The following FSTL4 variants were observed in gnomAD, a reference collection of about 807,000 sequenced individuals.
The protein encoded by FSTL4 is follistatin like 4, also known as follistatin-related protein 4.
In FSTL4, 28 loss-of-function variants were observed where a neutral mutation model predicts 78.2. The ratio of observed to expected loss-of-function variants is 0.36; its 90% CI spans 0.27 to 0.49. The LOEUF (loss-of-function observed/expected upper bound fraction) is 0.49, where lower values mean the gene tolerates loss of function less well. Among genes scored for constraint, FSTL4 ranks in the 20% least tolerant of loss-of-function variants. The pLI is 0.98. For missense variants in FSTL4, 922 were observed against 1,084.9 expected, an observed-to-expected ratio of 0.85 and a Z score of 2.11; for synonymous variants, 422 against 440.5, an observed-to-expected ratio of 0.96 and a Z score of 0.53.
intron 11 of FSTL4, 35 bp downstream of exon 11, chr5:133,224,155 T>A (rs1351365717): frequency 1.3e-6 from 2 of 1,591,840 alleles, no homozygotes; most frequent in East Asian, 4.5e-5. Flanking sequence ...ACACACGTGA[T>A]CACAGGCATG....
chr5:133,459,199 A>G (rs1757547833), intron 3 of FSTL4, among the ~76,000 whole-genome samples: 1 of 152,170 alleles, frequency 6.6e-6, no homozygotes, highest in Admixed American at 6.5e-5. Context: ...GCTGAAGCAA[A>G]GGGCACATAT....
intron 3 of FSTL4, among the ~76,000 whole-genome samples, chr5:133,517,571 T>C (rs1252058847): frequency 3.4e-5 from 5 of 145,662 alleles, no homozygotes; most frequent in African/African-American, 5.1e-5. Context: ...AATTTTTGGC[T>C]GTATATTATT....
chr5:133,390,395 G>A (rs1272122931), intron 4 of FSTL4, among the ~76,000 whole-genome samples: 2 of 152,268 alleles, frequency 1.3e-5, no homozygotes, highest in Admixed American at 1.3e-4. Flanking sequence ...TCTAGGAGAT[G>A]TCCAAACTCA....
the FSTL4 span, among the ~76,000 whole-genome samples, chr5:133,759,584 T>G: frequency 6.6e-6 from 1 of 152,238 alleles, no homozygotes; most frequent in Non-Finnish European, 1.5e-5. Flanking sequence ...CTATGTGATA[T>G]ATACAAATAT....
intron 2 of FSTL4, among the ~76,000 whole-genome samples, chr5:133,593,729 G>A (rs1190334031): frequency 1.3e-5 from 2 of 152,166 alleles, no homozygotes; most frequent in Non-Finnish European, 2.9e-5. Context: ...TAATAAAGAT[G>A]TACTTCCTTC....
chr5:133,770,390 T>C, the FSTL4 span, among the ~76,000 whole-genome samples: 3 of 152,212 alleles, frequency 2.0e-5, no homozygotes, highest in African/African-American at 7.2e-5. Context: ...CCAATATCTG[T>C]TGTTTTTTGA....
the FSTL4 span, among the ~76,000 whole-genome samples, chr5:133,770,062 C>A: frequency 6.6e-6 from 1 of 151,712 alleles, no homozygotes; most frequent in Admixed American, 6.6e-5. Flanking sequence ...AGTAGTATTC[C>A]GTGGGGTGTG....
the FSTL4 span, among the ~76,000 whole-genome samples, chr5:133,639,793 T>C: frequency 2.0e-5 from 3 of 152,178 alleles, no homozygotes; most frequent in African/African-American, 4.8e-5. Context: ...GCATCTTATG[T>C]GCTACCAGCT....
chr5:133,720,367 T>A, the FSTL4 span: 1 of 152,252 alleles, frequency 6.6e-6, no homozygotes, highest in Non-Finnish European at 1.5e-5. Context: ...TGCTTGACAA[T>A]CATATTTTCA....
At chr5:133,210,447 C>A in intron 13 of FSTL4, 149 bp from the exon 14 acceptor site, 1 of 414,570 alleles carries the variant, frequency 2.4e-6, no homozygotes, top group Non-Finnish European at 4.3e-6. Flanking sequence ...AGAAGCTTCC[C>A]CTCTGTCTTT....
At chr5:133,734,408 A>T in the FSTL4 span, among the ~76,000 whole-genome samples, 1 of 152,234 alleles carries the variant, frequency 6.6e-6, no homozygotes, top group Non-Finnish European at 1.5e-5. Context: ...TGTACAAAAT[A>T]TGTGGAGGTG....
chr5:133,780,062 G>C, the FSTL4 span, among the ~76,000 whole-genome samples: 9 of 152,182 alleles, frequency 5.9e-5, no homozygotes, highest in Non-Finnish European at 1.2e-4. Flanking sequence ...CCTCACCAGG[G>C]ACAAGAGGGC....
chr5:133,648,232 G>A, the FSTL4 span, among the ~76,000 whole-genome samples: 2 of 152,218 alleles, frequency 1.3e-5, no homozygotes, highest in Non-Finnish European at 2.9e-5. Context: ...GAGAAAAAAG[G>A]AGGTGATAGA....
upstream of FSTL4, among the ~76,000 whole-genome samples, chr5:133,613,568 C>T (rs986429410): frequency 1.4e-4 from 21 of 152,174 alleles, 1 homozygote; most frequent in Admixed American, 4.6e-4. Context: ...TTTTTTCCTT[C>T]CACAGATTTT....
At chr5:133,287,375 G>C (rs866172605) in intron 6 of FSTL4, among the ~76,000 whole-genome samples, 1 of 144,838 alleles carries the variant, frequency 6.9e-6, no homozygotes, top group Non-Finnish European at 1.5e-5. Context: ...GTGACAGAGC[G>C]AGACTCCATC....
rs928190664 is a variant in FSTL4, at chr5:133,361,333, C to T, written c.409+39405G>A. ...CCCTTTGTATGTTATCTTGAGATTT[C>T]GCGGTTGACTGCGATAATCCTTTAT... On this transcript the variant is annotated intron_variant, in intron 4 of 15. Transcript: ENST00000265342. This position sits in a 1 kb window ranked among gnomAD's most constrained non-coding sequence, Gnocchi z 4.3. Among the ~76,000 whole-genome samples the T allele has an allele frequency of 2.0e-5, 3 of 152,286 alleles. No homozygotes were observed. Among genetic ancestry groups the T allele is most frequent in the East Asian group, 1.9e-4 (1 of 5,182 alleles).
intron 4 of FSTL4, among the ~76,000 whole-genome samples, chr5:133,331,870 C>G (rs547157627): frequency 6.6e-6 from 1 of 152,090 alleles, no homozygotes; most frequent in Non-Finnish European, 1.5e-5. Context: ...GTCACCTGCA[C>G]TGCTGTTCTG....
At chr5:133,272,386 T>C (rs1752786682) in intron 6 of FSTL4, among the ~76,000 whole-genome samples, 1 of 152,182 alleles carries the variant, frequency 6.6e-6, no homozygotes, top group Non-Finnish European at 1.5e-5. Context: ...AAGGAGGGCA[T>C]GATGGAAAGC....
the FSTL4 span, among the ~76,000 whole-genome samples, chr5:133,643,408 T>TCCTGAGG: frequency 6.6e-6 from 1 of 152,132 alleles, no homozygotes; most frequent in East Asian, 1.9e-4. Flanking sequence ...CTTCAGAGCT[T>TCCTGAGG]CCTGAGGCCT....
Sources: allele counts gnomAD v4.1 joint callset (sites outside exome capture counted in the v4.1 genomes callset), GRCh38; gene constraint gnomAD v4.1.1; non-coding constraint Gnocchi (gnomAD v3.1); transcripts MANE v1.5; gene names NCBI Gene and HGNC (gene_info 2026-07-23, HGNC 2026-07-21).